Variants in DGLUCY observed in about 807,000 individuals in gnomAD.
DGLUCY encodes D-glutamate cyclase, mitochondrial.
Under a neutral mutation model 58.5 loss-of-function variants are expected in DGLUCY, and 58 were observed. The ratio of observed to expected loss-of-function variants is 0.99; its 90% CI spans 0.80 to 1.23. DGLUCY has a LOEUF of 1.23. Ranked by LOEUF, DGLUCY falls within the 50% of genes most tolerant of loss-of-function variation. The probability of loss-of-function intolerance (pLI) is 0.00; values close to 1 mark genes in which losing one functional copy is unlikely to be tolerated. For missense variants in DGLUCY, 779 were observed against 784.7 expected (o/e 0.99, Z 0.09); for synonymous variants, 325 against 314.1 (o/e 1.03, Z -0.37).
rs189607473 is a variant in DGLUCY at position 91,182,943 on chromosome 14, A to T, written c.934+1554A>T. 9.7e-3 allele frequency among the ~76,000 whole-genome samples: 1,426 copies of T among 146,312 alleles called. 10 individuals are homozygous for T. The highest frequency in any genetic ancestry group is 0.015 in the Non-Finnish European group (1,020 of 67,102). On this transcript the variant is annotated intron_variant, in intron 8 of 13. Coordinates refer to ENST00000256324, the MANE Select transcript of DGLUCY (RefSeq NM_001102368.3). ...TTTATTTTTTATTTTATTTTATTTT[A>T]TATTTTTATTTATTTTTATTTTTTT... is the stretch of plus-strand genomic sequence containing the variant.
At chr14:91,176,142 C>T in intron 7 of DGLUCY, 86 bp downstream of exon 7, 1 of 1,462,170 alleles carries the variant, frequency 6.8e-7, no homozygotes, top group Non-Finnish European at 9.2e-7. Flanking sequence ...TCTCGTAGTA[C>T]AATGATTTAA....
At chr14:91,172,922 G>A (rs1415915697) in intron 5 of DGLUCY, among the ~76,000 whole-genome samples, 1 of 152,188 alleles carries the variant, frequency 6.6e-6, no homozygotes, top group South Asian at 2.1e-4. Flanking sequence ...GGGATTACAG[G>A]TGTGAGCCAT....
At position 91,173,443 on chromosome 14, in the gene DGLUCY, A is replaced by G; in HGVS notation, c.607+4A>G. The G allele has an allele frequency of 6.3e-7, 1 of 1,594,804 alleles. No homozygotes were observed. Among genetic ancestry groups the G allele is most frequent in the Non-Finnish European group, 8.5e-7 (1 of 1,172,756 alleles). The stretch of plus-strand genomic sequence containing the variant: ...CCTGTTCACATGGGCGACCCAGGTC[A>G]GTGTCTCTCGCTCCTGCCCATGATC... On this transcript the variant is annotated splice_donor_region_variant and intron_variant, in intron 6 of 13. Transcript: ENST00000256324.
chr14:91,207,977 AC>A (rs1885043708), intron 12 of DGLUCY, among the ~76,000 whole-genome samples: 1 of 152,040 alleles, frequency 6.6e-6, no homozygotes, highest in South Asian at 2.1e-4. Context: ...CAAACTCTCG[AC>A]CTCAGGTGAT....
chr14:91,215,322 C>G, intron 12 of DGLUCY, 83 bp from the exon 13 acceptor site: 1 of 1,530,246 alleles, frequency 6.5e-7, no homozygotes, highest in Non-Finnish European at 8.8e-7. Flanking sequence ...ACCAGTCCTG[C>G]AGATAGTTCT....
intron 13 of DGLUCY, chr14:91,216,283 A>G (rs915594941): frequency 2.5e-5 from 4 of 157,634 alleles, no homozygotes; most frequent in African/African-American, 4.8e-5. Context: ...GTTCCTGTAC[A>G]TGTATTTTTC....
At chr14:91,110,229 C>T (rs1039357613), upstream of DGLUCY, among the ~76,000 whole-genome samples, 1 of 152,170 alleles carries the variant, frequency 6.6e-6, no homozygotes, top group African/African-American at 2.4e-5. Flanking sequence ...ACTGAAGAAA[C>T]CAACTGTAAA....
rs45613242 is a variant in DGLUCY at position 91,175,821 on chromosome 14, C to T, written c.608-113C>T. 2.4e-3 allele frequency: 2,969 copies of T among 1,256,008 alleles called. 5 individuals carry two copies. The highest frequency in any genetic ancestry group is 3.0e-3 in the Non-Finnish European group (2,677 of 884,102). 77.8% of individuals were successfully genotyped at this position (1,256,008 alleles called of 1,614,324 possible). On this transcript the variant is annotated intron_variant, in intron 6 of 13. Coordinates refer to ENST00000256324, the MANE Select transcript of DGLUCY (RefSeq NM_001102368.3). ...TCACCTCTTCCTCAAATACCATTTA[C>T]AATAATCCTGCAATTTGAGTTTCTG...
chr14:91,170,652 G>T lies in DGLUCY; in HGVS notation c.456+451G>T, dbSNP rs2048527568. ...TCCAGAAAGCTGGGTCATGTTCTTG[G>T]CCGGAGGTGGCCTCTGGCAGTCACA... On this transcript the variant is annotated intron_variant, in intron 5 of 13. Coordinates refer to ENST00000256324, the MANE Select transcript of DGLUCY (RefSeq NM_001102368.3). Among the ~76,000 whole-genome samples, 7 of 152,252 alleles carry T rather than the reference G, an allele frequency of 4.6e-5. No individual in the cohort carries two copies. In the South Asian group the frequency reaches 1.4e-3, roughly 32 times the overall value.
intron 1 of DGLUCY, among the ~76,000 whole-genome samples, chr14:91,121,061 G>C (rs2045329568): frequency 6.6e-6 from 1 of 152,002 alleles, no homozygotes; most frequent in Non-Finnish European, 1.5e-5. Flanking sequence ...TTTACCCCAG[G>C]TGTGCCAACC....
chr14:91,071,334 C>CAAAAAAAA (rs3086750), intron 1 of DGLUCY, among the ~76,000 whole-genome samples: 4 of 84,218 alleles, frequency 4.7e-5, no homozygotes, highest in Admixed American at 1.4e-4. Context: ...GAGATTCCAC[C>CAAAAAAAA]AAAAAAAAAA....
chr14:91,202,939 CTCT>C (rs958379497), intron 11 of DGLUCY, among the ~76,000 whole-genome samples: 29 of 152,184 alleles, frequency 1.9e-4, no homozygotes, highest in Non-Finnish European at 1.5e-5. Flanking sequence ...TTTCCTTTTT[CTCT>C]TCTTCTTCCT....
upstream of DGLUCY, among the ~76,000 whole-genome samples, chr14:91,103,571 A>C (rs922236750): frequency 3.9e-5 from 6 of 152,074 alleles, no homozygotes; most frequent in Non-Finnish European, 7.4e-5. Flanking sequence ...ACCAGAGCAA[A>C]TGTCTCTACT....
chr14:91,215,414 A>C lies in DGLUCY; in HGVS notation c.1574A>C (p.Asn525Thr). 1 of 1,604,404 alleles carries C rather than the reference A, an allele frequency of 6.2e-7. No homozygotes were observed. The highest frequency in any genetic ancestry group is 8.5e-7 in the Non-Finnish European group (1 of 1,173,222). ...ADFAVIAGVS[N>T]WGGYALACAL... Reference sequence around the variant, plus strand: ...TGTTTTGCTGTTCTAGGTGTTTCTAACTGGGGAGGCTATGCCCTGGCCTGC... The same window carrying C: ...TGTTTTGCTGTTCTAGGTGTTTCTACCTGGGGAGGCTATGCCCTGGCCTGC... The change falls in exon 13 of 14, where the codon AAC becomes ACC. Residue 525 changes from asparagine to threonine, a missense_variant. Coordinates refer to ENST00000256324, the MANE Select transcript of DGLUCY (RefSeq NM_001102368.3).
At chr14:91,153,197 A>G (rs2047417308) in intron 1 of DGLUCY, among the ~76,000 whole-genome samples, 1 of 151,938 alleles carries the variant, frequency 6.6e-6, no homozygotes, top group Non-Finnish European at 1.5e-5. Context: ...TTATTTATTT[A>G]TTATAGACAC....
At chr14:91,106,464 T>G (rs1019047534), upstream of DGLUCY, among the ~76,000 whole-genome samples, 1 of 152,004 alleles carries the variant, frequency 6.6e-6, no homozygotes, top group African/African-American at 2.4e-5. Flanking sequence ...CTCAGCCCTT[T>G]GGGAGGCCGA....
At chr14:91,066,863 G>A (rs1434874417) in intron 1 of DGLUCY, among the ~76,000 whole-genome samples, 1 of 151,612 alleles carries the variant, frequency 6.6e-6, no homozygotes, top group African/African-American at 2.4e-5. Flanking sequence ...GGTGGATCAC[G>A]AGGTCAGGAG....
rs2048399358 is a variant in DGLUCY, at chr14:91,168,459, G to C, written c.257+1081G>C. Among the ~76,000 whole-genome samples the C allele has an allele frequency of 2.0e-5, 3 of 152,106 alleles. No individual in the cohort carries two copies. In the South Asian group the frequency reaches 6.2e-4, roughly 32 times the overall value. ...ATTCTGTCATGATCATTTTAGGACG[G>C]GAAGGTCCTTTGGAGACCCCATCTG... On this transcript the variant is annotated intron_variant, in intron 4 of 13. Coordinates refer to ENST00000256324, the MANE Select transcript of DGLUCY (RefSeq NM_001102368.3).
At chr14:91,069,197 A>G (rs2043875546) in intron 1 of DGLUCY, among the ~76,000 whole-genome samples, 2 of 152,338 alleles carry the variant, frequency 1.3e-5, no homozygotes, top group Admixed American at 6.5e-5. Context: ...AGGAAAATGC[A>G]GACCTCAGAC....
Sources: gnomAD v4.1 joint callset for allele counts (sites outside exome capture counted in the v4.1 genomes callset) on GRCh38, gnomAD v4.1.1 for gene constraint, MANE v1.5 for transcripts, NCBI Gene and HGNC (gene_info 2026-07-23, HGNC 2026-07-21) for gene names.